The following CAPN2 variants were observed in gnomAD, a reference collection of about 807,000 sequenced individuals.
CAPN2 encodes the protein calpain 2.
In CAPN2, 92 loss-of-function variants were observed where a neutral mutation model predicts 102.3. That is an observed-to-expected ratio of 0.90 (90% CI 0.76 to 1.07). CAPN2 has a LOEUF of 1.07. Among genes scored for constraint, CAPN2 ranks in the 50% least tolerant of loss-of-function variants. CAPN2 has a pLI of 0.00. For missense variants in CAPN2, 800 were observed against 909.4 expected, an observed-to-expected ratio of 0.88 and a Z score of 1.55; for synonymous variants, 340 against 355.4, an observed-to-expected ratio of 0.96 and a Z score of 0.49.
At chr1:223,713,822 GA>G (rs1659803193) in intron 1 of CAPN2, among the ~76,000 whole-genome samples, 2 of 152,220 alleles carry the variant, frequency 1.3e-5, no homozygotes, top group Admixed American at 1.3e-4. Context: ...CCCTAGCCCA[GA>G]CTCAGAGCAC....
At chr1:223,712,536 C>G, upstream of CAPN2, 1 of 1,240,980 alleles carries the variant, frequency 8.1e-7, no homozygotes. Flanking sequence ...CGGCGGCGCC[C>G]GCAGTGGCCG....
chr1:223,757,302 G>T, intron 10 of CAPN2, 67 bp from the exon 11 acceptor site: 2 of 1,555,026 alleles, frequency 1.3e-6, no homozygotes. Context: ...CGGAAGAGAA[G>T]AGCACAGTGA....
intron 2 of CAPN2, among the ~76,000 whole-genome samples, chr1:223,735,924 C>T (rs979026255): frequency 1.1e-4 from 17 of 152,140 alleles, no homozygotes; most frequent in African/African-American, 3.1e-4. Context: ...GGACTACAGG[C>T]GCATGCCACC....
At chr1:223,766,956 C>T (rs1051479933) in intron 16 of CAPN2, among the ~76,000 whole-genome samples, 12 of 148,668 alleles carry the variant, frequency 8.1e-5, no homozygotes, top group Non-Finnish European at 1.5e-4. Context: ...CGTGACTCAT[C>T]GCCAAAAAAA....
intron 15 of CAPN2, among the ~76,000 whole-genome samples, chr1:223,766,112 GTTAT>G (rs573947763): frequency 9.1e-4 from 139 of 152,262 alleles, no homozygotes; most frequent in African/African-American, 3.1e-3. Context: ...TGATCATTCT[GTTAT>G]TTATTTGTTC....
Position 223,759,357 on chromosome 1 carries a change from C to T in CAPN2, c.1405C>T (p.Arg469Trp), listed in dbSNP as rs779038050. ...GCGCTCAGACACCTTCATCAACCTC[C>T]GGGAGGTGCTCAACCGCTTCAAGCT... is the stretch of plus-strand genomic sequence containing the variant. ...RERSDTFINLREVLNRFKLPP... is the reference protein window; with the variant it reads ...RERSDTFINLWEVLNRFKLPP... Residue 469 changes from arginine (R) to tryptophan (W), a missense_variant, in exon 12 of 21, where the codon CGG becomes TGG. Coordinates refer to ENST00000295006, the MANE Select transcript of CAPN2 (RefSeq NM_001748.5). This position sits in a 1 kb window ranked among gnomAD's most constrained non-coding sequence, Gnocchi z 4.6. 4.1e-5 allele frequency: 66 copies of T among 1,614,216 alleles called. No homozygotes were observed. Among genetic ancestry groups the T allele is most frequent in the Middle Eastern group, 1.7e-4 (1 of 6,060 alleles).
chr1:223,762,151 C>G, intron 13 of CAPN2, 35 bp from the exon 14 acceptor site: 1 of 1,587,798 alleles, frequency 6.3e-7, no homozygotes, highest in Non-Finnish European at 8.6e-7. Context: ...ATGCCTCGCT[C>G]TGATGCATTC....
intron 2 of CAPN2, among the ~76,000 whole-genome samples, chr1:223,743,722 C>T: frequency 6.6e-6 from 1 of 152,178 alleles, no homozygotes; most frequent in African/African-American, 2.4e-5. Context: ...GCGCTGGTTT[C>T]ATTCTCTCAC....
At chr1:223,751,155 C>G (rs555508113) in intron 7 of CAPN2, among the ~76,000 whole-genome samples, 180 bp downstream of exon 7, 3 of 152,288 alleles carry the variant, frequency 2.0e-5, no homozygotes, top group Non-Finnish European at 4.4e-5. Context: ...AACCAGGACA[C>G]TCCTCCAGCA....
chr1:223,769,964 C>A, intron 17 of CAPN2, 55 bp downstream of exon 17: 2 of 1,337,382 alleles, frequency 1.5e-6, no homozygotes, highest in Non-Finnish European at 1.1e-6. Flanking sequence ...TGTTCATATG[C>A]TTTAAGATGC....
intron 1 of CAPN2, among the ~76,000 whole-genome samples, chr1:223,706,819 T>A (rs1196012859): frequency 6.6e-6 from 1 of 152,060 alleles, no homozygotes; most frequent in Non-Finnish European, 1.5e-5. Flanking sequence ...GTGGCTCACA[T>A]CTGTAATCTC....
chr1:223,767,805 A>ACATTTAAC (rs2102815378), intron 16 of CAPN2, among the ~76,000 whole-genome samples: 1 of 149,770 alleles, frequency 6.7e-6, no homozygotes, highest in South Asian at 2.1e-4. Flanking sequence ...CAGTCCCACC[A>ACATTTAAC]ACAGTGTAAA....
chr1:223,741,867 C>T (rs1660626764), intron 2 of CAPN2, among the ~76,000 whole-genome samples: 1 of 152,156 alleles, frequency 6.6e-6, no homozygotes, highest in Admixed American at 6.5e-5. Context: ...GACTCCATCT[C>T]CTGGGTTTAA....
At chr1:223,714,621 T>TAAAA (rs373544472) in intron 1 of CAPN2, among the ~76,000 whole-genome samples, 11,609 of 130,726 alleles carry the variant, frequency 0.089, 582 homozygotes, top group Non-Finnish European at 0.11. Flanking sequence ...TATAAAAAAG[T>TAAAA]AAAAAAAAAA....
chr1:223,766,386 T>C lies in CAPN2; in HGVS notation c.1710T>C (p.Asp570=), dbSNP rs371565778. Residue 570 remains aspartate, a synonymous_variant, in exon 16 of 21, where the codon GAT becomes GAC. Transcript: ENST00000295006. ...TTTTAGGCCAAGATATCAAGTCAGATGGCTTCAGCATCGAGACATGCAAAA... is the reference window on the plus strand; with the variant it reads ...TTTTAGGCCAAGATATCAAGTCAGACGGCTTCAGCATCGAGACATGCAAAA... ...VLAKRQDIKS[D]GFSIETCKIM... 4 of 1,613,862 alleles carry C rather than the reference T, an allele frequency of 2.5e-6. No individual in the cohort carries two copies. In the East Asian group the frequency reaches 6.7e-5, roughly 27 times the overall value.
At chr1:223,704,782 G>T (rs1179956965) in intron 1 of CAPN2, among the ~76,000 whole-genome samples, 1 of 152,210 alleles carries the variant, frequency 6.6e-6, no homozygotes, top group East Asian at 1.9e-4. Context: ...AATAGTTGCT[G>T]ATCCCAGGAG....
intron 11 of CAPN2, chr1:223,757,845 G>GTT (rs35617793): frequency 1.3e-4 from 19 of 142,538 alleles, no homozygotes; most frequent in Non-Finnish European, 2.3e-4. Flanking sequence ...TCAGGGTTTT[G>GTT]TTTTTTTTTT....
intron 5 of CAPN2, 109 bp from the exon 6 acceptor site, chr1:223,748,930 T>C: frequency 2.0e-6 from 2 of 985,266 alleles, no homozygotes; most frequent in Non-Finnish European, 3.2e-6. Flanking sequence ...CCTCGGCCGC[T>C]GCGCTAGTGC....
intron 2 of CAPN2, among the ~76,000 whole-genome samples, chr1:223,720,708 A>G (rs1365987573): frequency 6.6e-6 from 1 of 152,144 alleles, no homozygotes; most frequent in Non-Finnish European, 1.5e-5. Context: ...TTTTCACTAC[A>G]GTATTTCATG....
Sources: gnomAD v4.1 joint callset for allele counts (sites outside exome capture counted in the v4.1 genomes callset) on GRCh38, gnomAD v4.1.1 for gene constraint, Gnocchi (gnomAD v3.1) non-coding constraint, MANE v1.5 for transcripts, NCBI Gene and HGNC (gene_info 2026-07-23, HGNC 2026-07-21) for gene names.